Variants in CPNE8 observed in about 807,000 individuals in gnomAD.
CPNE8 encodes the protein copine 8, also known as copine-8.
A neutral mutation model predicts 81.5 loss-of-function variants in CPNE8; 45 were observed. That is an observed-to-expected ratio of 0.55 (90% confidence interval 0.44 to 0.71). The LOEUF is 0.71. Among genes scored for constraint, CPNE8 ranks in the 30% least tolerant of loss-of-function variants. CPNE8 has a pLI of 0.00. For synonymous variants in CPNE8, 252 were observed against 226.3 expected (o/e 1.11, Z -1.02); for missense variants, 594 against 672.1 (o/e 0.88, Z 1.28).
intron 4 of CPNE8, among the ~76,000 whole-genome samples, chr12:38,841,932 G>A (rs982993420): frequency 6.6e-6 from 1 of 151,754 alleles, no homozygotes; most frequent in Non-Finnish European, 1.5e-5. Flanking sequence ...TAAGGAGGAA[G>A]TTAATTGCCT....
intron 19 of CPNE8, among the ~76,000 whole-genome samples, chr12:38,656,729 A>G (rs1375707900): frequency 6.6e-6 from 1 of 152,172 alleles, no homozygotes; most frequent in Admixed American, 6.5e-5. Context: ...AATTCTTCTC[A>G]AACTGTTTTT....
chr12:38,788,447 G>T (rs1430400087), intron 6 of CPNE8, among the ~76,000 whole-genome samples: 1 of 151,752 alleles, frequency 6.6e-6, no homozygotes, highest in Non-Finnish European at 1.5e-5. Flanking sequence ...GGGTATAAAA[G>T]AAACATATTT....
At chr12:38,727,512 A>G (rs893022551) in intron 11 of CPNE8, among the ~76,000 whole-genome samples, 1 of 152,194 alleles carries the variant, frequency 6.6e-6, no homozygotes, top group Non-Finnish European at 1.5e-5. Flanking sequence ...TGTCTTTTCT[A>G]GAGAATTGTC....
chr12:38,686,284 A>T (rs1592009334), intron 15 of CPNE8, among the ~76,000 whole-genome samples: 1 of 152,146 alleles, frequency 6.6e-6, no homozygotes, highest in South Asian at 2.1e-4. Flanking sequence ...TAAAAAAAAA[A>T]TCCAGGTCAT....
chr12:38,733,024 C>T (rs1940869112), intron 10 of CPNE8, among the ~76,000 whole-genome samples: 1 of 151,904 alleles, frequency 6.6e-6, no homozygotes, highest in South Asian at 2.1e-4. Context: ...TGCATCCATT[C>T]AGCATCTAGA....
chr12:38,902,409 AAG>A (rs1194669834), intron 1 of CPNE8, among the ~76,000 whole-genome samples: 2 of 141,378 alleles, frequency 1.4e-5, no homozygotes, highest in Admixed American at 6.8e-5. Flanking sequence ...GAAAGAAAGA[AAG>A]AAAGAAAAAG....
chr12:38,774,243 T>C (rs1941871460), intron 7 of CPNE8, among the ~76,000 whole-genome samples: 1 of 152,164 alleles, frequency 6.6e-6, no homozygotes, highest in African/African-American at 2.4e-5. Flanking sequence ...TAGTACTGTA[T>C]TCATGACACA....
chr12:38,733,755 C>T (rs1346342945), intron 10 of CPNE8, among the ~76,000 whole-genome samples: 2 of 151,882 alleles, frequency 1.3e-5, no homozygotes, highest in Admixed American at 1.3e-4. Flanking sequence ...TTGATTACTA[C>T]TGTAGCTAGT....
At chr12:38,737,538 C>G (rs1249621437) in intron 10 of CPNE8, among the ~76,000 whole-genome samples, 2 of 152,048 alleles carry the variant, frequency 1.3e-5, no homozygotes, top group African/African-American at 4.8e-5. Context: ...TAGATTAGTA[C>G]TTTCTATTTT....
chr12:38,761,990 TTTTCA>T, intron 9 of CPNE8, 117 bp downstream of exon 9: 1 of 459,328 alleles, frequency 2.2e-6, no homozygotes, highest in Non-Finnish European at 3.8e-6. Flanking sequence ...CATTTAAATA[TTTTCA>T]TTTTTGGAAA....
At position 38,683,692 on chromosome 12, in the gene CPNE8, T is replaced by G. The variant is rs1046056253; in HGVS notation, c.1271+1798A>C. On this transcript the variant is annotated intron_variant, in intron 16 of 19. Transcript: ENST00000331366. ...GGTCTTATACTAAGAAATGTATACA[T>G]GGAACTTCCTATATTGTATTGGAAG... is the stretch of plus-strand genomic sequence containing the variant. Among the ~76,000 whole-genome samples, 8 of 152,108 alleles carry G rather than the reference T, an allele frequency of 5.3e-5. No homozygotes were observed. In the East Asian group the frequency reaches 1.5e-3, roughly 29 times the overall value.
chr12:38,778,163 C>A lies in CPNE8; in HGVS notation c.408-1862G>T, dbSNP rs150769861. On this transcript the variant is annotated intron_variant, in intron 6 of 19. Transcript: ENST00000331366. ...TACAATAAATGTAATGCACTTGAATCATCCCGAAACTACCCCCAAACCCCC... is the reference window on the plus strand; with the variant it reads ...TACAATAAATGTAATGCACTTGAATAATCCCGAAACTACCCCCAAACCCCC... Among the ~76,000 whole-genome samples, 27 of 152,142 alleles carry A rather than the reference C, an allele frequency of 1.8e-4. No individual in the cohort carries two copies. In the East Asian group the frequency reaches 4.3e-3, roughly 24 times the overall value.
intron 10 of CPNE8, among the ~76,000 whole-genome samples, chr12:38,741,453 T>A (rs1941102608): frequency 1.3e-5 from 2 of 152,184 alleles, no homozygotes; most frequent in South Asian, 4.1e-4. Flanking sequence ...ATTTAATAAA[T>A]GTTGCTGGGA....
At position 38,704,826 on chromosome 12, in the gene CPNE8, G is replaced by GTATATATGTGTGTATATATATA. The variant is rs1940051981; in HGVS notation, c.915-1906_915-1905insTATATATATACACACATATATA. Among the ~76,000 whole-genome samples the GTATATATGTGTGTATATATATA allele has an allele frequency of 1.4e-4, 7 of 50,196 alleles. No homozygotes were observed. The South Asian group carries it at 5.7e-3, about 41-fold the overall frequency. 32.9% of individuals were successfully genotyped at this position (50,196 alleles called of 152,430 possible). ...GGACCATCTGTGTGTGTATGTATGT[G>GTATATATGTGTGTATATATATA]TATATATATATATATATATATATAT... On this transcript the variant is annotated intron_variant, in intron 13 of 19. Coordinates refer to ENST00000331366, the MANE Select transcript of CPNE8 (RefSeq NM_153634.3).
chr12:38,671,272 T>C (rs1939169514), intron 18 of CPNE8, among the ~76,000 whole-genome samples: 1 of 152,024 alleles, frequency 6.6e-6, no homozygotes, highest in African/African-American at 2.4e-5. Context: ...AGCAAAGCCA[T>C]ACACATACAC....
At chr12:38,802,614 C>G (rs1233238500) in intron 6 of CPNE8, among the ~76,000 whole-genome samples, 2 of 149,262 alleles carry the variant, frequency 1.3e-5, no homozygotes, top group East Asian at 2.0e-4. Context: ...AAAGCAAGAG[C>G]AAACACATTC....
chr12:38,844,256 GAA>G (rs1943518190), intron 4 of CPNE8, among the ~76,000 whole-genome samples: 1 of 152,070 alleles, frequency 6.6e-6, no homozygotes, highest in Admixed American at 6.5e-5. Flanking sequence ...AAACGAATGA[GAA>G]GAGTTATTTC....
At chr12:38,745,004 T>A (rs1182122318) in intron 10 of CPNE8, among the ~76,000 whole-genome samples, 1 of 152,348 alleles carries the variant, frequency 6.6e-6, no homozygotes, top group South Asian at 2.1e-4. Flanking sequence ...TCCCACACCT[T>A]TGGCCATGCC....
chr12:38,686,968 A>G (rs996056502), intron 15 of CPNE8, among the ~76,000 whole-genome samples: 12 of 152,224 alleles, frequency 7.9e-5, no homozygotes, highest in Non-Finnish European at 1.2e-4. Context: ...CTTGAGAAAA[A>G]GAAGATAGCC....
Sources: gnomAD v4.1 joint callset for allele counts (sites outside exome capture counted in the v4.1 genomes callset) on GRCh38, gnomAD v4.1.1 for gene constraint, MANE v1.5 for transcripts, NCBI Gene and HGNC (gene_info 2026-07-23, HGNC 2026-07-21) for gene names.